The following SLC9A9 variants were observed in gnomAD, a reference collection of about 807,000 sequenced individuals.
SLC9A9 encodes the protein solute carrier family 9 member A9.
In SLC9A9, 62 loss-of-function variants were observed where a neutral mutation model predicts 77.8. That is an observed-to-expected ratio of 0.80 (90% confidence interval 0.65 to 0.98). SLC9A9 has a LOEUF of 0.98. Among genes scored for constraint, SLC9A9 ranks in the 50% least tolerant of loss-of-function variants. The pLI is 0.00. For synonymous variants in SLC9A9, 320 were observed against 283.5 expected (o/e 1.13, Z -1.29); for missense variants, 775 against 774.9 (o/e 1.00, Z 0.00).
chr3:143,374,158 G>A (rs2033121201), intron 13 of SLC9A9, among the ~76,000 whole-genome samples: 2 of 152,094 alleles, frequency 1.3e-5, no homozygotes, highest in African/African-American at 2.4e-5. Flanking sequence ...GGGTGTGGTG[G>A]CTCACACCTC....
rs2030345076 is a variant in SLC9A9, at chr3:143,297,788, TTTG to T, written c.1605-28811_1605-28809del. On this transcript the variant is annotated intron_variant, in intron 14 of 15. Transcript: ENST00000316549. Reference sequence around the variant, plus strand: ...TGAAATTAATTTTCTTTTTGTCTATTTTGTTGTCGTATAGAAACACAACTGATT... The same window carrying T: ...TGAAATTAATTTTCTTTTTGTCTATTTTGTCGTATAGAAACACAACTGATT... 2.0e-5 allele frequency among the ~76,000 whole-genome samples: 3 copies of T among 152,264 alleles called. No homozygotes were observed. The South Asian group carries it at 6.2e-4, about 31-fold the overall frequency.
At chr3:143,612,624 TC>T (rs779635418) in intron 6 of SLC9A9, among the ~76,000 whole-genome samples, 1 of 152,258 alleles carries the variant, frequency 6.6e-6, no homozygotes, top group Non-Finnish European at 1.5e-5. Flanking sequence ...TTTCATAGTA[TC>T]CCTTTATTTA....
chr3:143,769,412 A>T (rs1293296014), intron 4 of SLC9A9, among the ~76,000 whole-genome samples: 1 of 152,128 alleles, frequency 6.6e-6, no homozygotes, highest in Admixed American at 6.6e-5. Context: ...ACAAGCCCAT[A>T]TTGAATTCAA....
intron 14 of SLC9A9, among the ~76,000 whole-genome samples, chr3:143,335,754 A>G (rs115078509): frequency 0.028 from 4,307 of 152,262 alleles, 78 homozygotes; most frequent in South Asian, 0.039. Context: ...ATATAGAAAA[A>G]TCAACTCAAA....
At chr3:143,491,392 A>ACT (rs2035742440) in intron 11 of SLC9A9, among the ~76,000 whole-genome samples, 1 of 152,142 alleles carries the variant, frequency 6.6e-6, no homozygotes, top group African/African-American at 2.4e-5. Context: ...ATAGTTCACA[A>ACT]CTCTGCCACT....
intron 4 of SLC9A9, among the ~76,000 whole-genome samples, chr3:143,723,942 T>C (rs1453831708): frequency 1.3e-5 from 2 of 152,222 alleles, no homozygotes; most frequent in African/African-American, 4.8e-5. Flanking sequence ...GCTTTGCCTA[T>C]TGAAGGAAAA....
At chr3:143,630,369 C>T (rs1488459339) in intron 6 of SLC9A9, among the ~76,000 whole-genome samples, 1 of 152,160 alleles carries the variant, frequency 6.6e-6, no homozygotes, top group Non-Finnish European at 1.5e-5. Context: ...AATGTAACCA[C>T]CTTCTAGGAA....
intron 14 of SLC9A9, among the ~76,000 whole-genome samples, chr3:143,269,253 T>A (rs369475539): frequency 2.0e-5 from 3 of 152,194 alleles, no homozygotes; most frequent in East Asian, 1.9e-4. Flanking sequence ...TATCCCCAAC[T>A]CAATGTCTCA....
intron 11 of SLC9A9, among the ~76,000 whole-genome samples, chr3:143,478,225 T>G (rs943796624): frequency 6.6e-6 from 1 of 152,222 alleles, no homozygotes; most frequent in Non-Finnish European, 1.5e-5. Flanking sequence ...TAAATACTTG[T>G]TAACACACAT....
At chr3:143,517,515 C>T (rs1181534470) in intron 9 of SLC9A9, 18 of 1,597,590 alleles carry the variant, frequency 1.1e-5, no homozygotes, top group Non-Finnish European at 1.5e-5. Flanking sequence ...CGTTTTCGCT[C>T]ATACTTTCTC....
intron 7 of SLC9A9, among the ~76,000 whole-genome samples, chr3:143,576,198 T>C (rs894149942): frequency 4.6e-5 from 7 of 152,254 alleles, no homozygotes; most frequent in Non-Finnish European, 1.0e-4. Flanking sequence ...TGTTTGGCCT[T>C]AGCCAAGTTG....
intron 14 of SLC9A9, among the ~76,000 whole-genome samples, chr3:143,358,027 T>C (rs1576446511): frequency 6.1e-5 from 2 of 32,968 alleles, no homozygotes; most frequent in African/African-American, 3.4e-4. Context: ...TTTCTTTCCT[T>C]TTTTTTTTTT....
intron 2 of SLC9A9, among the ~76,000 whole-genome samples, chr3:143,810,483 T>C (rs2108871393): frequency 6.6e-6 from 1 of 152,338 alleles, no homozygotes; most frequent in African/African-American, 2.4e-5. Flanking sequence ...TCTCAAGTGG[T>C]AGCTGGCAAA....
chr3:143,419,767 A>T (rs188612746), intron 12 of SLC9A9, among the ~76,000 whole-genome samples: 24 of 152,298 alleles, frequency 1.6e-4, no homozygotes, highest in South Asian at 4.1e-4. Context: ...CCACAGGCAC[A>T]AGGCCCTATG....
intron 5 of SLC9A9, among the ~76,000 whole-genome samples, chr3:143,653,632 G>A (rs1399085097): frequency 1.3e-5 from 2 of 152,198 alleles, no homozygotes; most frequent in East Asian, 1.9e-4. Context: ...AGTCATGAAG[G>A]GTTTTAATAA....
chr3:143,539,710 G>C (rs1308103237), intron 9 of SLC9A9, among the ~76,000 whole-genome samples: 2 of 152,088 alleles, frequency 1.3e-5, no homozygotes, highest in Non-Finnish European at 2.9e-5. Context: ...CATCTGTCTT[G>C]AGTGTTATCA....
At chr3:143,482,968 T>C (rs1462187393) in intron 11 of SLC9A9, among the ~76,000 whole-genome samples, 1 of 152,244 alleles carries the variant, frequency 6.6e-6, no homozygotes, top group Non-Finnish European at 1.5e-5. Context: ...CCCTTTGTGC[T>C]GAGTGTCACA....
intron 4 of SLC9A9, among the ~76,000 whole-genome samples, chr3:143,729,400 G>A (rs1201926060): frequency 6.6e-6 from 1 of 152,080 alleles, no homozygotes; most frequent in Admixed American, 6.6e-5. Flanking sequence ...CTGATGTAAG[G>A]AATAGATGAC....
intron 5 of SLC9A9, among the ~76,000 whole-genome samples, chr3:143,672,161 G>T (rs1322847545): frequency 6.7e-6 from 1 of 150,204 alleles, no homozygotes; most frequent in African/African-American, 2.4e-5. Context: ...GGTACTGAAG[G>T]AACTACTTTG....
Sources: allele counts gnomAD v4.1 joint callset (sites outside exome capture counted in the v4.1 genomes callset), GRCh38; gene constraint gnomAD v4.1.1; transcripts MANE v1.5; gene names NCBI Gene and HGNC (gene_info 2026-07-23, HGNC 2026-07-21).